SRGAP1: variants seen among roughly 807,000 people sequenced by gnomAD.
SRGAP1 encodes SLIT-ROBO Rho GTPase activating protein 1.
SRGAP1 carries 43 observed loss-of-function variants against 121.9 expected under a neutral mutation model. That is an observed-to-expected ratio of 0.35 (90% CI 0.28 to 0.46). The LOEUF is 0.46. Among genes scored for constraint, SRGAP1 ranks in the 20% least tolerant of loss-of-function variants. SRGAP1 has a pLI of 1.00. For missense variants in SRGAP1, 1,102 were observed against 1,350.9 expected (o/e 0.82, Z 2.89); for synonymous variants, 447 against 485.4 (o/e 0.92, Z 1.04).
chr12:63,991,272 T>G (rs953121033), intron 3 of SRGAP1, among the ~76,000 whole-genome samples: 6 of 152,184 alleles, frequency 3.9e-5, no homozygotes, highest in African/African-American at 1.4e-4. Flanking sequence ...GAAAAACCTC[T>G]CTGTAGATTA....
chr12:63,873,039 G>A (rs1207855603), intron 1 of SRGAP1, among the ~76,000 whole-genome samples: 7 of 152,140 alleles, frequency 4.6e-5, no homozygotes, highest in Non-Finnish European at 1.0e-4. Context: ...TAACAATCAT[G>A]AGCTTAGTGT....
chr12:64,045,723 C>T (rs2035116974), intron 6 of SRGAP1, among the ~76,000 whole-genome samples: 1 of 152,084 alleles, frequency 6.6e-6, no homozygotes, highest in African/African-American at 2.4e-5. Flanking sequence ...TGTGAACGTG[C>T]CACCGTGCCC....
intron 2 of SRGAP1, among the ~76,000 whole-genome samples, chr12:63,987,911 T>C (rs1287130094): frequency 2.0e-5 from 3 of 152,156 alleles, no homozygotes. Flanking sequence ...TTAACTCCAG[T>C]GATTCTCATG....
chr12:63,985,750 C>A (rs2033396120), intron 2 of SRGAP1, among the ~76,000 whole-genome samples: 1 of 152,174 alleles, frequency 6.6e-6, no homozygotes, highest in Admixed American at 6.5e-5. Context: ...TCCTCCCCAC[C>A]AACCCCATTG....
At chr12:63,935,619 T>C (rs1021741991) in intron 1 of SRGAP1, among the ~76,000 whole-genome samples, 12 of 152,210 alleles carry the variant, frequency 7.9e-5, no homozygotes, top group African/African-American at 2.9e-4. Flanking sequence ...AAATAACACT[T>C]ACAGAAAACA....
At chr12:63,992,626 C>T (rs1479087242) in intron 3 of SRGAP1, among the ~76,000 whole-genome samples, 1 of 149,766 alleles carries the variant, frequency 6.7e-6, no homozygotes, top group African/African-American at 2.5e-5. Context: ...GAGTTGCTGG[C>T]TCTTGAGGAA....
chr12:64,075,849 A>G (rs1400810777), intron 8 of SRGAP1, among the ~76,000 whole-genome samples: 1 of 151,956 alleles, frequency 6.6e-6, no homozygotes, highest in Non-Finnish European at 1.5e-5. Flanking sequence ...TATTAATTCC[A>G]TCACATGACC....
chr12:63,890,031 G>A (rs1900525439), intron 1 of SRGAP1, among the ~76,000 whole-genome samples: 1 of 152,132 alleles, frequency 6.6e-6, no homozygotes, highest in African/African-American at 2.4e-5. Context: ...CTGGTCTGTA[G>A]CTTCTTTCCT....
At chr12:63,917,218 C>T (rs566958548) in intron 1 of SRGAP1, among the ~76,000 whole-genome samples, 5 of 152,214 alleles carry the variant, frequency 3.3e-5, no homozygotes, top group South Asian at 2.1e-4. Context: ...TAGTAAACAC[C>T]GTATAAAGCG....
At chr12:63,938,052 G>T (rs1449816258) in intron 1 of SRGAP1, among the ~76,000 whole-genome samples, 1 of 152,220 alleles carries the variant, frequency 6.6e-6, no homozygotes, top group Non-Finnish European at 1.5e-5. Context: ...TAAGCCATGT[G>T]TAACAGTCTC....
At chr12:63,862,372 G>T (rs1439279300) in intron 1 of SRGAP1, among the ~76,000 whole-genome samples, 1 of 152,172 alleles carries the variant, frequency 6.6e-6, no homozygotes, top group South Asian at 2.1e-4. Context: ...CACAAGACGA[G>T]CATTTACAAA....
chr12:64,144,581 T>C lies in SRGAP1; in HGVS notation c.*1909T>C, dbSNP rs962327511. The C allele has an allele frequency of 6.6e-6, 1 of 152,152 alleles. No individual in the cohort carries two copies. Among genetic ancestry groups the C allele is most frequent in the Non-Finnish European group, 1.5e-5 (1 of 68,044 alleles). 9.4% of individuals were successfully genotyped at this position (152,152 alleles called of 1,614,324 possible). A position where few individuals can be genotyped will look rare whatever the true frequency, so the allele number is the denominator to read the frequency against. On this transcript the variant is annotated 3_prime_UTR_variant, in exon 22 of 22. Transcript: ENST00000355086. ...ATTTCACAAATGAATAGTGACTTTT[T>C]TCCCATGTATTTCTAGGTATGGTAA... is the stretch of plus-strand genomic sequence containing the variant.
chr12:64,130,495 A>G (rs547212125), intron 21 of SRGAP1, among the ~76,000 whole-genome samples: 1 of 152,240 alleles, frequency 6.6e-6, no homozygotes, highest in South Asian at 2.1e-4. Flanking sequence ...AATCCTGGCT[A>G]TGGGAGAAAC....
At chr12:64,040,101 A>C (rs2034984874) in intron 4 of SRGAP1, among the ~76,000 whole-genome samples, 1 of 152,176 alleles carries the variant, frequency 6.6e-6, no homozygotes, top group Non-Finnish European at 1.5e-5. Context: ...CGTTAACCCC[A>C]TGTTTTACCC....
chr12:63,875,296 A>G (rs568371702), intron 1 of SRGAP1, among the ~76,000 whole-genome samples: 57 of 151,954 alleles, frequency 3.8e-4, no homozygotes, highest in East Asian at 3.1e-3. Context: ...GTGTGTGTGT[A>G]TATTTGTTTG....
chr12:63,845,791 CAATG>C (rs1898884585), intron 1 of SRGAP1, among the ~76,000 whole-genome samples: 1 of 152,102 alleles, frequency 6.6e-6, no homozygotes, highest in Non-Finnish European at 1.5e-5. Context: ...CTGATTGAGA[CAATG>C]GATGGAATGT....
intron 1 of SRGAP1, among the ~76,000 whole-genome samples, chr12:63,848,048 C>A (rs1390160041): frequency 3.3e-5 from 5 of 151,062 alleles, no homozygotes; most frequent in African/African-American, 1.2e-4. Context: ...GTCTGCTGCC[C>A]AGGCCAGAGT....
At position 64,126,120 on chromosome 12, in the gene SRGAP1, G is replaced by A. The variant is rs751473118; in HGVS notation, c.2368G>A (p.Gly790Arg). The change falls in exon 19 of 22, where the codon GGG (glycine) becomes AGG (arginine). Residue 790 changes from glycine (G) to arginine (R), a missense_variant. Gly to Arg is a moderately radical substitution (Grantham distance 125, BLOSUM62 -2). Around this residue, in one of 3 missense-constraint regions of SRGAP1, gnomAD observed 40 missense variants for 78.4 expected, o/e 0.51. Transcript: ENST00000355086. ...WWEGRHNGIDGLVPHQYIVVQ... is the reference protein window; with the variant it reads ...WWEGRHNGIDRLVPHQYIVVQ... ...GGAAGGCAGGCACAACGGGATTGAC[G>A]GGCTGGTGCCTCACCAGTATATAGT... The A allele has an allele frequency of 5.6e-6, 9 of 1,614,010 alleles. No homozygotes were observed. Among genetic ancestry groups the A allele is most frequent in the East Asian group, 2.2e-5 (1 of 44,890 alleles).
At chr12:63,964,564 A>C (rs906925412) in intron 1 of SRGAP1, among the ~76,000 whole-genome samples, 7 of 152,166 alleles carry the variant, frequency 4.6e-5, no homozygotes, top group Admixed American at 2.0e-4. Context: ...CCTGAGAAGT[A>C]GGACTTAATA....
Sources: allele counts gnomAD v4.1 joint callset (sites outside exome capture counted in the v4.1 genomes callset), GRCh38; gene constraint gnomAD v4.1.1; regional missense constraint gnomAD v4.1.1; transcripts MANE v1.5; gene names NCBI Gene and HGNC (gene_info 2026-07-23, HGNC 2026-07-21).